Variants in RORA observed in about 807,000 individuals in gnomAD.
The protein encoded by RORA is nuclear receptor ROR-alpha.
In RORA, 7 loss-of-function variants were observed where a neutral mutation model predicts 69.5. The ratio of observed to expected loss-of-function variants is 0.10; its 90% CI spans 0.06 to 0.19. RORA has a LOEUF of 0.19. Among genes scored for constraint, RORA ranks in the 10% least tolerant of loss-of-function variants. The probability of loss-of-function intolerance (pLI) is 1.00; values close to 1 mark genes in which losing one functional copy is unlikely to be tolerated. For missense variants in RORA, 457 were observed against 663.0 expected (o/e 0.69, Z 3.41); for synonymous variants, 261 against 240.8 (o/e 1.08, Z -0.78).
At chr15:61,168,692 A>G (rs1258705982) in intron 1 of RORA, among the ~76,000 whole-genome samples, 1 of 152,148 alleles carries the variant, frequency 6.6e-6, no homozygotes, top group Non-Finnish European at 1.5e-5. Flanking sequence ...TAAATGATAC[A>G]TGAAGCGTTT....
At chr15:61,194,478 G>A (rs1813147) in intron 1 of RORA, among the ~76,000 whole-genome samples, 123,558 of 150,876 alleles carry the variant, frequency 0.82, 52,008 homozygotes, top group Non-Finnish European at 0.93. Flanking sequence ...CAGGAGAATC[G>A]CTTGAACCCG....
At chr15:60,927,376 T>A (rs891294775) in intron 1 of RORA, among the ~76,000 whole-genome samples, 1 of 152,268 alleles carries the variant, frequency 6.6e-6, no homozygotes, top group Non-Finnish European at 1.5e-5. Context: ...AGTAAGTAGC[T>A]GATGAACATT....
chr15:60,948,399 G>C (rs954270149), intron 1 of RORA, among the ~76,000 whole-genome samples: 2 of 152,134 alleles, frequency 1.3e-5, no homozygotes, highest in African/African-American at 4.8e-5. Context: ...ATTTACAAAT[G>C]AGTTATAGAA....
chr15:60,647,337 C>T (rs1234936569), intron 2 of RORA, among the ~76,000 whole-genome samples: 2 of 152,156 alleles, frequency 1.3e-5, no homozygotes, highest in Non-Finnish European at 2.9e-5. Context: ...GTTCCCTGAG[C>T]CAGAAAAGAC....
At chr15:60,781,714 G>A (rs930478140) in intron 1 of RORA, among the ~76,000 whole-genome samples, 5 of 152,100 alleles carry the variant, frequency 3.3e-5, no homozygotes, top group Admixed American at 6.5e-5. Flanking sequence ...GGCAACGGGG[G>A]AGCAGGAAAG....
chr15:60,596,722 A>T (rs2068674388), intron 2 of RORA, among the ~76,000 whole-genome samples: 1 of 152,220 alleles, frequency 6.6e-6, no homozygotes, highest in Admixed American at 6.5e-5. Flanking sequence ...GGGGGACGGG[A>T]CAAGTGGATT....
chr15:60,533,146 T>C (rs1406272687), intron 2 of RORA, among the ~76,000 whole-genome samples: 4 of 152,236 alleles, frequency 2.6e-5, no homozygotes, highest in African/African-American at 9.6e-5. Flanking sequence ...ATAAACCATG[T>C]GTACTGCTAA....
chr15:60,636,390 G>C (rs1220753632), intron 2 of RORA, among the ~76,000 whole-genome samples: 4 of 152,188 alleles, frequency 2.6e-5, no homozygotes, highest in African/African-American at 9.7e-5. Context: ...AGAAGAGAAA[G>C]TATTAGGTTG....
intron 1 of RORA, chr15:60,681,885 A>G (rs1413445268): frequency 1.3e-5 from 2 of 152,224 alleles, no homozygotes; most frequent in Non-Finnish European, 2.9e-5. Context: ...GTAGCTCTGA[A>G]TCGAGATTTT....
At chr15:60,928,002 G>A (rs17270647) in intron 1 of RORA, among the ~76,000 whole-genome samples, 34,411 of 152,008 alleles carry the variant, frequency 0.23, 4,748 homozygotes, top group Non-Finnish European at 0.3. Context: ...TTTGGGGCCC[G>A]TGCTTTCTCT....
chr15:61,197,678 T>A (rs1184369231), intron 1 of RORA, among the ~76,000 whole-genome samples: 1 of 152,032 alleles, frequency 6.6e-6, no homozygotes, highest in African/African-American at 2.4e-5. Flanking sequence ...AAAATATCAA[T>A]CCCATGGGCC....
At chr15:60,735,662 A>G (rs895537921) in intron 1 of RORA, among the ~76,000 whole-genome samples, 1 of 152,090 alleles carries the variant, frequency 6.6e-6, no homozygotes, top group African/African-American at 2.4e-5. Context: ...TATTTAGAGA[A>G]CTCCATGTGA....
intron 1 of RORA, among the ~76,000 whole-genome samples, chr15:61,134,739 A>G (rs2079220795): frequency 6.6e-6 from 1 of 152,144 alleles, no homozygotes. Flanking sequence ...GGCGCAGTAT[A>G]CATGACACAA....
At chr15:60,695,370 T>G (rs2070887528) in intron 1 of RORA, among the ~76,000 whole-genome samples, 1 of 152,124 alleles carries the variant, frequency 6.6e-6, no homozygotes, top group Non-Finnish European at 1.5e-5. Context: ...CCTGTTGACT[T>G]TTTTTTGAGG....
At chr15:60,851,405 G>A (rs1051029234) in intron 1 of RORA, among the ~76,000 whole-genome samples, 4 of 152,130 alleles carry the variant, frequency 2.6e-5, no homozygotes, top group South Asian at 2.1e-4. Flanking sequence ...GGGTGTGAGC[G>A]TGAAAGGCCT....
At chr15:61,220,609 C>G (rs2080086549) in intron 1 of RORA, among the ~76,000 whole-genome samples, 1 of 152,168 alleles carries the variant, frequency 6.6e-6, no homozygotes, top group Non-Finnish European at 1.5e-5. Context: ...CTTCAGGTTT[C>G]TTTAAAATTA....
intron 1 of RORA, among the ~76,000 whole-genome samples, chr15:60,915,327 C>T (rs1891838854): frequency 6.6e-6 from 1 of 152,216 alleles, no homozygotes; most frequent in African/African-American, 2.4e-5. Flanking sequence ...CCACTGCCTC[C>T]ACAGGCACTC....
At chr15:61,139,877 T>A (rs995306912) in intron 1 of RORA, among the ~76,000 whole-genome samples, 2 of 152,216 alleles carry the variant, frequency 1.3e-5, no homozygotes, top group Admixed American at 1.3e-4. Flanking sequence ...TTCTAGCCCC[T>A]TGCCCTGGGT....
At chr15:61,215,404 A>G (rs1334530925) in intron 1 of RORA, among the ~76,000 whole-genome samples, 3 of 152,246 alleles carry the variant, frequency 2.0e-5, no homozygotes, top group African/African-American at 7.2e-5. Flanking sequence ...ACTTCTTTCC[A>G]AAACTTGAGA....
Sources: gnomAD v4.1 joint callset for allele counts (sites outside exome capture counted in the v4.1 genomes callset) on GRCh38, gnomAD v4.1.1 for gene constraint, MANE v1.5 for transcripts, NCBI Gene and HGNC (gene_info 2026-07-23, HGNC 2026-07-21) for gene names.